Variants in PDE4D observed in about 807,000 individuals in gnomAD.
PDE4D encodes the protein phosphodiesterase 4D.
In PDE4D, 24 loss-of-function variants were observed where a neutral mutation model predicts 87.4. The observed-to-expected ratio is 0.27, with a 90% confidence interval of 0.20 to 0.39. The LOEUF (loss-of-function observed/expected upper bound fraction) is 0.39. Among genes scored for constraint, PDE4D ranks in the 10% least tolerant of loss-of-function variants. The pLI is 1.00. For synonymous variants in PDE4D, 384 were observed against 383.2 expected (o/e 1.00, Z -0.02); for missense variants, 714 against 1,041.0 (o/e 0.69, Z 4.32).
At chr5:60,461,214 AGAG>A (rs1583839617) in intron 1 of PDE4D, among the ~76,000 whole-genome samples, 1 of 152,214 alleles carries the variant, frequency 6.6e-6, no homozygotes, top group Admixed American at 6.5e-5. Flanking sequence ...GGTGACAGAA[AGAG>A]GAGGAAAATC....
At position 60,201,218 on chromosome 5, in the gene PDE4D, AAAAG is replaced by A. The variant is rs1248152251; in HGVS notation, c.-89-15535_-89-15532del. The stretch of plus-strand genomic sequence containing the variant: ...CCCAAAAAGAAAGCAAAAAAAAAAA[AAAAG>A]AAAGAAATAGAGTTTTTTTTTTTAA... On this transcript the variant is annotated intron_variant, in intron 1 of 16. Coordinates refer to the PDE4D transcript ENST00000502484. 4.9e-5 allele frequency among the ~76,000 whole-genome samples: 7 copies of A among 143,538 alleles called. 1 individual carries two copies. Among genetic ancestry groups the A allele is most frequent in the South Asian group, 4.2e-4 (2 of 4,724 alleles). The allele number at this position is 143,538 out of a possible 152,430, so 94.2% of individuals were successfully genotyped here.
intron 2 of PDE4D, among the ~76,000 whole-genome samples, chr5:60,024,292 C>A (rs906125527): frequency 6.6e-6 from 1 of 152,064 alleles, no homozygotes; most frequent in South Asian, 2.1e-4. Flanking sequence ...GTTCAAGTAC[C>A]ACAAATGTAC....
At chr5:60,416,471 C>T (rs1159247718) in intron 1 of PDE4D, among the ~76,000 whole-genome samples, 1 of 152,148 alleles carries the variant, frequency 6.6e-6, no homozygotes, top group African/African-American at 2.4e-5. Flanking sequence ...GCCAGCGAGA[C>T]CACAAACCCA....
chr5:59,790,753 T>C (rs1765690344), intron 1 of PDE4D, among the ~76,000 whole-genome samples: 2 of 152,212 alleles, frequency 1.3e-5, no homozygotes, highest in South Asian at 2.1e-4. Flanking sequence ...GTTTCTCTAA[T>C]TGAGCCTAAT....
chr5:59,303,613 C>G (rs1180748554), intron 1 of PDE4D, among the ~76,000 whole-genome samples: 1 of 152,104 alleles, frequency 6.6e-6, no homozygotes, highest in Non-Finnish European at 1.5e-5. Flanking sequence ...GTGTGGCTAG[C>G]CAATTATCTC....
At chr5:59,843,878 T>C (rs887336208) in intron 1 of PDE4D, among the ~76,000 whole-genome samples, 4 of 152,074 alleles carry the variant, frequency 2.6e-5, no homozygotes, top group South Asian at 2.1e-4. Context: ...AAGAATGGAA[T>C]TTTGCTCCCC....
chr5:59,997,900 A>C (rs1763658184), intron 2 of PDE4D, among the ~76,000 whole-genome samples: 1 of 152,258 alleles, frequency 6.6e-6, no homozygotes, highest in Admixed American at 6.5e-5. Context: ...AATGAAGCTT[A>C]AACAGGTTAG....
chr5:60,001,254 G>T (rs1763985551), intron 2 of PDE4D, among the ~76,000 whole-genome samples: 1 of 152,092 alleles, frequency 6.6e-6, no homozygotes. Context: ...GTTAAAATCA[G>T]CCTGTAAAGA....
intron 1 of PDE4D, among the ~76,000 whole-genome samples, chr5:59,707,435 C>G (rs1561513807): frequency 6.6e-6 from 1 of 152,146 alleles, no homozygotes; most frequent in Non-Finnish European, 1.5e-5. Context: ...TAGTCCCAGG[C>G]CTTAACAAAC....
intron 2 of PDE4D, among the ~76,000 whole-genome samples, chr5:59,212,611 A>G (rs1194765000): frequency 6.6e-6 from 1 of 152,104 alleles, no homozygotes; most frequent in East Asian, 1.9e-4. Flanking sequence ...TTCATAAAAT[A>G]TATGTATATA....
At chr5:59,226,061 G>T (rs529814485) in intron 1 of PDE4D, among the ~76,000 whole-genome samples, 1 of 151,668 alleles carries the variant, frequency 6.6e-6, no homozygotes, top group Non-Finnish European at 1.5e-5. Flanking sequence ...GGACTGTAAA[G>T]TGATGCCACT....
chr5:60,125,198 A>G (rs567527033), intron 2 of PDE4D, among the ~76,000 whole-genome samples: 2 of 152,300 alleles, frequency 1.3e-5, no homozygotes, highest in East Asian at 3.9e-4. Context: ...GAATGTACCA[A>G]ATTTAACATG....
At chr5:60,115,121 A>G (rs892204056) in intron 2 of PDE4D, among the ~76,000 whole-genome samples, 2 of 152,056 alleles carry the variant, frequency 1.3e-5, no homozygotes, top group African/African-American at 4.8e-5. Context: ...ATTTTGAAAA[A>G]ACTTCCCCAG....
chr5:59,878,194 T>C (rs1325710193), intron 1 of PDE4D, among the ~76,000 whole-genome samples: 1 of 152,216 alleles, frequency 6.6e-6, no homozygotes, highest in East Asian at 1.9e-4. Context: ...TTAACTAAAT[T>C]AATGCAATTA....
intron 5 of PDE4D, among the ~76,000 whole-genome samples, chr5:59,080,904 A>G (rs1324746443): frequency 6.6e-6 from 1 of 152,202 alleles, no homozygotes; most frequent in Non-Finnish European, 1.5e-5. Flanking sequence ...ACTAGGTAAA[A>G]TCTTCAAAAT....
intron 9 of PDE4D, 44 bp from the exon 10 acceptor site, chr5:58,989,963 A>G: frequency 7.9e-7 from 1 of 1,259,952 alleles, no homozygotes; most frequent in Non-Finnish European, 1.1e-6. Flanking sequence ...CTTTATGTGA[A>G]AAATTTCTCC....
chr5:60,199,836 C>G (rs1406425631), intron 1 of PDE4D, among the ~76,000 whole-genome samples: 3 of 151,676 alleles, frequency 2.0e-5, no homozygotes, highest in African/African-American at 7.3e-5. Flanking sequence ...TACAGATTAT[C>G]TCATTCATAA....
At chr5:59,201,425 T>C (rs1011226743) in intron 2 of PDE4D, among the ~76,000 whole-genome samples, 3 of 152,108 alleles carry the variant, frequency 2.0e-5, no homozygotes, top group Non-Finnish European at 2.9e-5. Context: ...TTAAAAGAGA[T>C]GATTTGTTTT....
At chr5:59,645,523 A>G (rs1052073349) in intron 1 of PDE4D, among the ~76,000 whole-genome samples, 1 of 152,078 alleles carries the variant, frequency 6.6e-6, no homozygotes, top group Non-Finnish European at 1.5e-5. Flanking sequence ...GTTTGGTGTG[A>G]TTATATTCTT....
Sources: allele counts gnomAD v4.1 joint callset (sites outside exome capture counted in the v4.1 genomes callset), GRCh38; gene constraint gnomAD v4.1.1; transcripts MANE v1.5; gene names NCBI Gene and HGNC (gene_info 2026-07-23, HGNC 2026-07-21).